ABCA12: variants seen among roughly 807,000 people sequenced by gnomAD.
ABCA12 encodes the protein ATP binding cassette subfamily A member 12.
A neutral mutation model predicts 293.5 loss-of-function variants in ABCA12; 156 were observed. The observed-to-expected ratio is 0.53, with a 90% CI of 0.47 to 0.61. The LOEUF is 0.61. Ranked by LOEUF, ABCA12 falls within the 20% of genes least tolerant of loss-of-function variation. The pLI is 0.00. For missense variants in ABCA12, 2,797 were observed against 3,090.2 expected (o/e 0.91, Z 2.25); for synonymous variants, 1,063 against 1,108.0 (o/e 0.96, Z 0.81).
intron 50 of ABCA12, among the ~76,000 whole-genome samples, chr2:214,941,099 T>A (rs115189153): frequency 2.8e-3 from 433 of 152,352 alleles, no homozygotes; most frequent in African/African-American, 0.01. Flanking sequence ...TGTGGACATT[T>A]TAGTGCTCTA....
intron 50 of ABCA12, among the ~76,000 whole-genome samples, chr2:214,939,913 G>A (rs1015419741): frequency 7.9e-5 from 12 of 152,182 alleles, no homozygotes; most frequent in Admixed American, 6.5e-4. Flanking sequence ...TACAAACAGA[G>A]ACAATTTTGA....
At chr2:214,960,006 C>T (rs1699070100) in intron 39 of ABCA12, among the ~76,000 whole-genome samples, 1 of 152,086 alleles carries the variant, frequency 6.6e-6, no homozygotes, top group South Asian at 2.1e-4. Flanking sequence ...CTTAACTGTT[C>T]ATATAGTATT....
At chr2:214,982,427 A>G (rs773936711) in intron 29 of ABCA12, 44 bp from the exon 30 acceptor site, 3 of 1,517,510 alleles carry the variant, frequency 2.0e-6, no homozygotes, top group Non-Finnish European at 2.7e-6. Context: ...CAGATATACT[A>G]TTTGAGTACT....
At chr2:214,992,527 T>TCCC (rs1559135392) in intron 23 of ABCA12, among the ~76,000 whole-genome samples, 2 of 144,778 alleles carry the variant, frequency 1.4e-5, no homozygotes, top group African/African-American at 2.6e-5. Context: ...CCCCCCTTTT[T>TCCC]TTTTTTTTTT....
intron 22 of ABCA12, 79 bp downstream of exon 22, chr2:215,000,626 T>C (rs1475507247): frequency 6.5e-7 from 1 of 1,529,176 alleles, no homozygotes; most frequent in Non-Finnish European, 9.0e-7. Context: ...TTTCATGTAA[T>C]ACATCTGAAT....
chr2:215,111,921 G>A (rs1441620573), intron 1 of ABCA12, among the ~76,000 whole-genome samples: 1 of 152,078 alleles, frequency 6.6e-6, no homozygotes, highest in East Asian at 1.9e-4. Flanking sequence ...ATAACCTTCT[G>A]AAGATTTATT....
chr2:214,966,972 A>C lies in ABCA12; in HGVS notation c.5779-19T>G. 1 of 1,590,794 alleles carries C rather than the reference A, an allele frequency of 6.3e-7. No individual in the cohort carries two copies. The highest frequency in any genetic ancestry group is 1.1e-5 in the South Asian group (1 of 90,626). Reference sequence around the variant, plus strand: ...ACCATACCTATTAAATTCCAAAAGAAGGCAAGATCAATATTGCATTCAAAT... The same window carrying C: ...ACCATACCTATTAAATTCCAAAAGACGGCAAGATCAATATTGCATTCAAAT... On this transcript the variant is annotated intron_variant, in intron 38 of 52. Coordinates refer to ENST00000272895, the MANE Select transcript of ABCA12 (RefSeq NM_173076.3).
At chr2:214,968,847 G>C in intron 37 of ABCA12, 40 bp from the exon 38 acceptor site, 1 of 1,569,214 alleles carries the variant, frequency 6.4e-7, no homozygotes, top group Non-Finnish European at 8.8e-7. Context: ...GTTTAGTGGA[G>C]AAAATCTTCT....
chr2:214,947,557 C>T lies in ABCA12; in HGVS notation c.7105-1G>A, dbSNP rs1559107162. 1 of 1,613,526 alleles carries T rather than the reference C, an allele frequency of 6.2e-7. No homozygotes were observed. The highest frequency in any genetic ancestry group is 1.1e-5 in the South Asian group (1 of 91,056). ...GTCTCCTAAGGAGTTTATGAACAGT[C>T]TGTAGGCAATAAAAGGGGAGTTAGG... On this transcript the variant is annotated splice_acceptor_variant, in intron 47 of 52. Transcript: ENST00000272895. LOFTEE classifies it high-confidence loss of function.
At position 214,980,665 on chromosome 2, in the gene ABCA12, A is replaced by G. The variant is rs559773735; in HGVS notation, c.4580-22T>C. 4.3e-6 allele frequency: 7 copies of G among 1,614,006 alleles called. No individual in the cohort carries two copies. In the African/African-American group the frequency reaches 8.0e-5, roughly 18 times the overall value. The stretch of plus-strand genomic sequence containing the variant: ...CTGGCTTGAAAATACAGACAAGAAC[A>G]ACAGGGAATGAAACGTGAAAGTACA... On this transcript the variant is annotated intron_variant, in intron 30 of 52. Transcript: ENST00000272895.
chr2:214,992,521 CCT>C (rs1699938922), intron 23 of ABCA12, among the ~76,000 whole-genome samples: 1 of 64,188 alleles, frequency 1.6e-5, no homozygotes, highest in Non-Finnish European at 2.8e-5. Flanking sequence ...GTATCCCCCC[CCT>C]TTTTTTTTTT....
chr2:214,939,876 G>GT (rs1187089004), intron 50 of ABCA12, among the ~76,000 whole-genome samples: 1 of 152,176 alleles, frequency 6.6e-6, no homozygotes, highest in Non-Finnish European at 1.5e-5. Context: ...AGAAGATGGG[G>GT]TTTTCTAAAA....
rs576721361 is a variant in ABCA12, at chr2:214,971,519, A to G, written c.5563-1119T>C. ...CTCATCACACTCCCTTCAAATTACT[A>G]TCACTCCCAAAGTAACAGACACAGC... On this transcript the variant is annotated intron_variant, in intron 36 of 52. Transcript: ENST00000272895. Among the ~76,000 whole-genome samples the G allele has an allele frequency of 1.2e-4, 18 of 152,204 alleles. No individual in the cohort carries two copies. In the East Asian group the frequency reaches 2.7e-3, roughly 23 times the overall value.
chr2:214,936,197 C>T (rs1384835589), intron 51 of ABCA12, among the ~76,000 whole-genome samples: 3 of 152,110 alleles, frequency 2.0e-5, no homozygotes, highest in Non-Finnish European at 2.9e-5. Context: ...TTGTACCACC[C>T]GATCTGGCAT....
chr2:215,004,488 G>A (rs1700212910), intron 19 of ABCA12, among the ~76,000 whole-genome samples, 189 bp from the exon 20 acceptor site: 1 of 152,190 alleles, frequency 6.6e-6, no homozygotes, highest in Non-Finnish European at 1.5e-5. Context: ...GACTTGACAG[G>A]CTGGGCTGTT....
rs937116441 is a variant in ABCA12 at position 214,992,532 on chromosome 2, T to C, written c.3295-1501A>G. Reference sequence around the variant, plus strand: ...CCTAGTATCCCCCCCCTTTTTTTTTTTTTTTTTTTTAGGAAAAAAAAAAGA... The same window carrying C: ...CCTAGTATCCCCCCCCTTTTTTTTTCTTTTTTTTTTAGGAAAAAAAAAAGA... On this transcript the variant is annotated intron_variant, in intron 23 of 52. Transcript: ENST00000272895. Among the ~76,000 whole-genome samples, 37 of 147,176 alleles carry C rather than the reference T, an allele frequency of 2.5e-4. 1 individual carries two copies. In the East Asian group the frequency reaches 6.0e-3, roughly 24 times the overall value.
At position 215,111,753 on chromosome 2, in the gene ABCA12, G is replaced by C. The variant is rs1186344717; in HGVS notation, c.70-63C>G. ...GTTGAACCAAAGATTTTTAAAACCTGACTACAAAAAGTATGTCATACTATA... is the reference window on the plus strand; with the variant it reads ...GTTGAACCAAAGATTTTTAAAACCTCACTACAAAAAGTATGTCATACTATA... On this transcript the variant is annotated intron_variant, in intron 1 of 52. Coordinates refer to ENST00000272895, the MANE Select transcript of ABCA12 (RefSeq NM_173076.3). 4 of 1,212,550 alleles carry C rather than the reference G, an allele frequency of 3.3e-6. No homozygotes were observed. In the African/African-American group the frequency reaches 6.0e-5, roughly 18 times the overall value. The allele number at this position is 1,212,550 out of a possible 1,614,324, so 75.1% of individuals were successfully genotyped here.
chr2:215,074,207 T>C (rs1701791583), intron 2 of ABCA12, among the ~76,000 whole-genome samples: 1 of 152,192 alleles, frequency 6.6e-6, no homozygotes, highest in Admixed American at 6.5e-5. Flanking sequence ...AATTGAAAAG[T>C]TGTTTTTCCC....
rs1374258420 is a variant in ABCA12, at chr2:214,982,176, A to G, written c.4579+11T>C. ...CTGTTGGGTGGAGAAGTTCTGAGAA[A>G]CTACTCATACCAGTTTTGTTCTTGG... On this transcript the variant is annotated intron_variant, in intron 30 of 52. Transcript: ENST00000272895. 3 of 1,613,446 alleles carry G rather than the reference A, an allele frequency of 1.9e-6. No individual in the cohort carries two copies. The African/African-American group carries it at 4.0e-5, about 22-fold the overall frequency.
Sources: gnomAD v4.1 joint callset for allele counts (sites outside exome capture counted in the v4.1 genomes callset) on GRCh38, gnomAD v4.1.1 for gene constraint, MANE v1.5 for transcripts, NCBI Gene and HGNC (gene_info 2026-07-23, HGNC 2026-07-21) for gene names.